RAG1: variants seen among roughly 807,000 people sequenced by gnomAD.
RAG1 encodes recombination activating 1.
In RAG1, 35 loss-of-function variants were observed where a neutral mutation model predicts 62.7. The ratio of observed to expected loss-of-function variants is 0.56; its 90% CI spans 0.43 to 0.74. The LOEUF (loss-of-function observed/expected upper bound fraction) is 0.74. RAG1 is among the 30% of genes least tolerant of loss of function. RAG1 has a pLI of 0.00. For synonymous variants in RAG1, 461 were observed against 470.3 expected (o/e 0.98, Z 0.26); for missense variants, 1,169 against 1,278.6 (o/e 0.91, Z 1.31).
At chr11:36,510,421 C>G (rs1859900288), upstream of RAG1, 1 of 152,472 alleles carries the variant, frequency 6.6e-6, no homozygotes, top group Non-Finnish European at 1.5e-5. Flanking sequence ...TTTCTTCCTG[C>G]TCGGGTGTCC....
chr11:36,558,805 T>G (rs954721745), intron 3 of RAG1, among the ~76,000 whole-genome samples: 5 of 152,196 alleles, frequency 3.3e-5, no homozygotes, highest in African/African-American at 1.2e-4. Flanking sequence ...CTTCTGTCAT[T>G]TTATTGTTTT....
chr11:36,522,428 C>G (rs1860094580), intron 2 of RAG1, among the ~76,000 whole-genome samples: 1 of 152,212 alleles, frequency 6.6e-6, no homozygotes, highest in East Asian at 1.9e-4. Flanking sequence ...GCCCAGAAGT[C>G]AAGAATTGTG....
intron 2 of RAG1, among the ~76,000 whole-genome samples, chr11:36,525,455 G>A (rs1310122447): frequency 6.6e-6 from 1 of 152,076 alleles, no homozygotes; most frequent in African/African-American, 2.4e-5. Flanking sequence ...GGTAAGAATT[G>A]TGTTAGATTT....
intron 1 of RAG1, among the ~76,000 whole-genome samples, chr11:36,569,912 C>T (rs1850714546): frequency 6.6e-6 from 1 of 152,168 alleles, no homozygotes. Flanking sequence ...ATTCTATTCT[C>T]TGCTTTTTCA....
chr11:36,542,636 G>A (rs1246651118), intron 3 of RAG1, among the ~76,000 whole-genome samples: 3 of 152,160 alleles, frequency 2.0e-5, no homozygotes, highest in Non-Finnish European at 4.4e-5. Context: ...AGAAGACAGG[G>A]AGAAGAACAG....
chr11:36,535,245 G>A (rs1209325075), intron 2 of RAG1, among the ~76,000 whole-genome samples: 1 of 151,866 alleles, frequency 6.6e-6, no homozygotes, highest in East Asian at 1.9e-4. Flanking sequence ...TCTATCATGT[G>A]ATCAATTTTT....
intron 1 of RAG1, among the ~76,000 whole-genome samples, chr11:36,517,656 G>C (rs1590659333): frequency 6.6e-6 from 1 of 152,098 alleles, no homozygotes; most frequent in Non-Finnish European, 1.5e-5. Flanking sequence ...TGGTGTGGTC[G>C]TTAATACCTT....
intron 1 of RAG1, among the ~76,000 whole-genome samples, chr11:36,514,808 A>G (rs144286168): frequency 3.3e-5 from 5 of 152,350 alleles, no homozygotes; most frequent in East Asian, 1.9e-4. Context: ...GTAAATACAG[A>G]TGCAGCTTCA....
At chr11:36,564,934 ACGTTGTC>A (rs143939152), upstream of RAG1, among the ~76,000 whole-genome samples, 478 of 152,268 alleles carry the variant, frequency 3.1e-3, no homozygotes, top group African/African-American at 0.01. Context: ...AGTGGAAAGA[ACGTTGTC>A]CTGGGAGCTG....
chr11:36,521,434 T>C (rs1222318456), intron 2 of RAG1, among the ~76,000 whole-genome samples: 1 of 152,208 alleles, frequency 6.6e-6, no homozygotes, highest in Non-Finnish European at 1.5e-5. Flanking sequence ...TCTTCTCTTG[T>C]CTGCTGCCAT....
intron 2 of RAG1, among the ~76,000 whole-genome samples, chr11:36,531,792 A>G (rs1006132571): frequency 4.6e-5 from 7 of 152,020 alleles, no homozygotes; most frequent in African/African-American, 1.7e-4. Flanking sequence ...TGGCCATTCA[A>G]TAACCTTTTT....
chr11:36,538,814 C>T (rs1458951386), downstream of RAG1, among the ~76,000 whole-genome samples: 1 of 152,184 alleles, frequency 6.6e-6, no homozygotes, highest in Non-Finnish European at 1.5e-5. Context: ...TGCTCCAAAG[C>T]CTTTTTGCTC....
At chr11:36,558,652 G>A (rs1369397447) in intron 3 of RAG1, among the ~76,000 whole-genome samples, 2 of 152,124 alleles carry the variant, frequency 1.3e-5, no homozygotes, top group East Asian at 3.8e-4. Flanking sequence ...TCATCTATGT[G>A]TGTCTTTGTA....
chr11:36,567,640 A>G (rs1381907169), upstream of RAG1, among the ~76,000 whole-genome samples: 1 of 152,234 alleles, frequency 6.6e-6, no homozygotes, highest in African/African-American at 2.4e-5. Context: ...TCCTATAATA[A>G]CTGTCATTGT....
intron 3 of RAG1, among the ~76,000 whole-genome samples, chr11:36,559,882 G>A (rs1850556689): frequency 6.6e-6 from 1 of 151,704 alleles, no homozygotes; most frequent in Non-Finnish European, 1.5e-5. Flanking sequence ...TCTTCTTTAG[G>A]GTCTGTTACA....
rs1850878301 is a variant in RAG1 at position 36,578,008 on chromosome 11, T to A, written c.*1572T>A. Reference sequence around the variant, plus strand: ...AGTTATTTGGAAACTATGATCTGCATCCTTAGGAATCTGGGATTTGCCAGT... The same window carrying A: ...AGTTATTTGGAAACTATGATCTGCAACCTTAGGAATCTGGGATTTGCCAGT... On this transcript the variant is annotated 3_prime_UTR_variant, in exon 2 of 2. Coordinates refer to ENST00000299440, the MANE Select transcript of RAG1 (RefSeq NM_000448.3). 2 of 167,260 alleles carry A rather than the reference T, an allele frequency of 1.2e-5. No individual in the cohort carries two copies. The highest frequency in any genetic ancestry group is 4.8e-5 in the African/African-American group (2 of 41,592). The allele number at this position is 167,260 out of a possible 1,614,324, so 10.4% of individuals were successfully genotyped here. A position where few individuals can be genotyped will look rare whatever the true frequency, so the allele number is the denominator to read the frequency against.
At chr11:36,512,724 C>G (rs5030406) in intron 1 of RAG1, among the ~76,000 whole-genome samples, 1,951 of 152,282 alleles carry the variant, frequency 0.013, 42 homozygotes, top group African/African-American at 0.044. Context: ...ATAGCAACCA[C>G]AATGATCAGG....
At chr11:36,568,568 A>G (rs4151001) in intron 1 of RAG1, among the ~76,000 whole-genome samples, 2,746 of 152,314 alleles carry the variant, frequency 0.018, 77 homozygotes, top group African/African-American at 0.062. Context: ...TAGGAGACCA[A>G]TGTTTCTCAA....
chr11:36,572,510 T>C (rs1386064251), intron 1 of RAG1, among the ~76,000 whole-genome samples: 1 of 152,226 alleles, frequency 6.6e-6, no homozygotes, highest in Non-Finnish European at 1.5e-5. Context: ...GTGTGAGTTT[T>C]ATCTGAAACC....
Sources: gnomAD v4.1 joint callset for allele counts (sites outside exome capture counted in the v4.1 genomes callset) on GRCh38, gnomAD v4.1.1 for gene constraint, MANE v1.5 for transcripts, NCBI Gene and HGNC (gene_info 2026-07-23, HGNC 2026-07-21) for gene names.